The following FUT8 variants were observed in gnomAD, a reference collection of about 807,000 sequenced individuals.
FUT8 encodes alpha-(1,6)-fucosyltransferase.
Under a neutral mutation model 71.3 loss-of-function variants are expected in FUT8, and 29 were observed. The ratio of observed to expected loss-of-function variants is 0.41; its 90% CI spans 0.30 to 0.55. FUT8 has a LOEUF of 0.55. Ranked by LOEUF, FUT8 falls within the 20% of genes least tolerant of loss-of-function variation. The pLI is 0.34. For synonymous variants in FUT8, 254 were observed against 239.3 expected (o/e 1.06, Z -0.57); for missense variants, 544 against 702.1 (o/e 0.77, Z 2.55).
intron 3 of FUT8, among the ~76,000 whole-genome samples, chr14:65,576,987 G>A (rs1213412889): frequency 2.0e-5 from 3 of 151,714 alleles, no homozygotes; most frequent in Admixed American, 2.0e-4. Flanking sequence ...ACAGGCATGA[G>A]CCACCACGCC....
At chr14:65,564,132 A>G (rs185205662) in intron 3 of FUT8, among the ~76,000 whole-genome samples, 29 of 152,212 alleles carry the variant, frequency 1.9e-4, no homozygotes, top group Admixed American at 3.9e-4. Context: ...AGGAAGAGCA[A>G]TGGAGGTGCT....
chr14:65,508,846 A>G (rs1405500172), intron 2 of FUT8, among the ~76,000 whole-genome samples: 2 of 151,948 alleles, frequency 1.3e-5, no homozygotes, highest in African/African-American at 2.4e-5. Flanking sequence ...TCAGATGGGT[A>G]GTTTGCAAAT....
At chr14:65,432,688 C>T (rs2139435651) in intron 1 of FUT8, among the ~76,000 whole-genome samples, 1 of 152,202 alleles carries the variant, frequency 6.6e-6, no homozygotes, top group Non-Finnish European at 1.5e-5. Context: ...CAGCCAAAAC[C>T]CACCAAAACC....
chr14:65,681,979 A>G (rs1893061003), intron 7 of FUT8, among the ~76,000 whole-genome samples: 2 of 152,192 alleles, frequency 1.3e-5, no homozygotes, highest in African/African-American at 4.8e-5. Flanking sequence ...CATATTTTCA[A>G]CAGGTTGTTT....
At chr14:65,632,603 A>C (rs1890251450) in intron 6 of FUT8, among the ~76,000 whole-genome samples, 2 of 151,502 alleles carry the variant, frequency 1.3e-5, no homozygotes, top group African/African-American at 4.9e-5. Flanking sequence ...TTCTTTGTAG[A>C]TTCTGTGTAT....
chr14:65,694,342 C>G (rs1355752635), intron 7 of FUT8, among the ~76,000 whole-genome samples: 1 of 152,138 alleles, frequency 6.6e-6, no homozygotes, highest in Non-Finnish European at 1.5e-5. Context: ...CAGCGTTCCA[C>G]AAATTTTAAT....
At chr14:65,616,491 T>A in intron 5 of FUT8, 118 bp downstream of exon 5, 1 of 897,012 alleles carries the variant, frequency 1.1e-6, no homozygotes, top group Non-Finnish European at 1.6e-6. Flanking sequence ...CTACAATATT[T>A]AAGAGGCGAA....
At position 65,615,996 on chromosome 14, in the gene FUT8, T is replaced by G. The variant is rs368415291; in HGVS notation, c.222T>G (p.Ile74Met). The part of the protein sequence containing the change: ...AESLRIPEGP[I>M]DQGPAIGRVR... ...ACTACAGGATACCAGAAGGCCCTAT[T>G]GATCAGGGGCCAGCTATAGGAAGAG... Residue 74 changes from isoleucine to methionine, a missense_variant, in exon 4 of 11, where the codon ATT (isoleucine) becomes ATG (methionine). Transcript: ENST00000673929. 193 of 1,613,010 alleles carry G rather than the reference T, an allele frequency of 1.2e-4. No individual in the cohort carries two copies. In the Middle Eastern group the frequency reaches 4.5e-3, roughly 37 times the overall value.
intron 7 of FUT8, among the ~76,000 whole-genome samples, chr14:65,714,916 T>C (rs577256177): frequency 7.9e-5 from 12 of 152,342 alleles, no homozygotes; most frequent in African/African-American, 2.9e-4. Context: ...TGCACTGATT[T>C]TTGTATGTTG....
At chr14:65,650,431 C>A (rs959320954) in intron 6 of FUT8, among the ~76,000 whole-genome samples, 2 of 149,676 alleles carry the variant, frequency 1.3e-5, no homozygotes, top group Non-Finnish European at 3.0e-5. Flanking sequence ...AGGAAACTTA[C>A]AATCATGGCA....
intron 5 of FUT8, among the ~76,000 whole-genome samples, chr14:65,624,441 A>T (rs1053137405): frequency 2.0e-5 from 3 of 152,252 alleles, no homozygotes; most frequent in African/African-American, 7.2e-5. Context: ...TAAAAAAAGT[A>T]GAGATCAGCT....
intron 2 of FUT8, among the ~76,000 whole-genome samples, chr14:65,546,021 C>CTTTCAATTATTGACAT (rs1884967489): frequency 6.6e-6 from 1 of 151,720 alleles, no homozygotes; most frequent in Non-Finnish European, 1.5e-5. Flanking sequence ...GAAATAACAA[C>CTTTCAATTATTGACAT]TTTCAATTAT....
intron 3 of FUT8, among the ~76,000 whole-genome samples, chr14:65,589,657 G>A (rs1004404627): frequency 6.6e-6 from 1 of 151,872 alleles, no homozygotes; most frequent in Non-Finnish European, 1.5e-5. Flanking sequence ...TGTTAGCCAG[G>A]ATGGTCTCGA....
chr14:65,489,678 G>T lies in FUT8; in HGVS notation c.-228+33960G>T, dbSNP rs1285937964. On this transcript the variant is annotated intron_variant, in intron 2 of 10. Coordinates refer to ENST00000673929, the MANE Select transcript of FUT8 (RefSeq NM_001371533.1). The surrounding 1 kb of genome is among the most constrained non-coding windows in gnomAD (Gnocchi z 4.0). ...AGCTTCATTTGTGTTGATTGATGTTGTAACTTTTTTTGAGTAAAATGCATC... is the reference window on the plus strand; with the variant it reads ...AGCTTCATTTGTGTTGATTGATGTTTTAACTTTTTTTGAGTAAAATGCATC... 6.6e-6 allele frequency among the ~76,000 whole-genome samples: 1 copy of T among 152,050 alleles called. No homozygotes were observed. The highest frequency in any genetic ancestry group is 2.4e-5 in the African/African-American group (1 of 41,412).
chr14:65,362,689 G>A, the FUT8 span, among the ~76,000 whole-genome samples: 10 of 152,120 alleles, frequency 6.6e-5, no homozygotes, highest in South Asian at 2.1e-4. Flanking sequence ...TTAGCCGGGC[G>A]TGGTGGCTCA....
chr14:65,593,834 C>T (rs943548395), intron 3 of FUT8, among the ~76,000 whole-genome samples: 2 of 152,176 alleles, frequency 1.3e-5, no homozygotes, highest in East Asian at 3.9e-4. Flanking sequence ...CCTTGGCCTC[C>T]CAAAGTGCTG....
chr14:65,608,449 T>TTC (rs1888703096), intron 3 of FUT8, among the ~76,000 whole-genome samples: 1 of 151,952 alleles, frequency 6.6e-6, no homozygotes, highest in Admixed American at 6.6e-5. Flanking sequence ...GTGTAATCAT[T>TTC]TCATTTAGGC....
chr14:65,525,300 A>G (rs987671375), intron 2 of FUT8, among the ~76,000 whole-genome samples: 5 of 152,116 alleles, frequency 3.3e-5, no homozygotes, highest in African/African-American at 1.2e-4. Flanking sequence ...GGGAGGGTGT[A>G]TGTGTCTAGG....
At chr14:65,600,999 G>A (rs77139593) in intron 3 of FUT8, among the ~76,000 whole-genome samples, 2,660 of 152,226 alleles carry the variant, frequency 0.017, 78 homozygotes, top group African/African-American at 0.061. Flanking sequence ...TTTCCTTGGA[G>A]AATTGAGCCA....
Sources: allele counts gnomAD v4.1 joint callset (sites outside exome capture counted in the v4.1 genomes callset), GRCh38; gene constraint gnomAD v4.1.1; non-coding constraint Gnocchi (gnomAD v3.1); transcripts MANE v1.5; gene names NCBI Gene and HGNC (gene_info 2026-07-23, HGNC 2026-07-21).